The following XPNPEP3 variants were observed in gnomAD, a reference collection of about 807,000 sequenced individuals.
The protein encoded by XPNPEP3 is X-prolyl aminopeptidase 3, also known as xaa-Pro aminopeptidase 3.
XPNPEP3 carries 41 observed loss-of-function variants against 60.0 expected under a neutral mutation model. The ratio of observed to expected loss-of-function variants is 0.68; its 90% confidence interval spans 0.53 to 0.89. The LOEUF is 0.89. Ranked by LOEUF, XPNPEP3 falls within the 40% of genes least tolerant of loss-of-function variation. XPNPEP3 has a pLI of 0.00. For synonymous variants in XPNPEP3, 212 were observed against 223.2 expected, an observed-to-expected ratio of 0.95 and a Z score of 0.45; for missense variants, 598 against 638.9, an observed-to-expected ratio of 0.94 and a Z score of 0.69.
intron 7 of XPNPEP3, among the ~76,000 whole-genome samples, chr22:40,920,240 C>T (rs573859443): frequency 2.0e-5 from 3 of 152,086 alleles, no homozygotes; most frequent in South Asian, 2.1e-4. Context: ...TGGTGGTGGG[C>T]GCCTATAATC....
rs369925842 is a variant in XPNPEP3, at chr22:40,914,138, G to A, written c.970-101G>A. On this transcript the variant is annotated intron_variant, in intron 6 of 9. Coordinates refer to ENST00000357137, the MANE Select transcript of XPNPEP3 (RefSeq NM_022098.4). ...ACCTGGGCAACAAGAGTGAAACTCC[G>A]TCTCAGAAAAAAAAAAAAAAAAGAA... is the stretch of plus-strand genomic sequence containing the variant. 141 of 972,702 alleles carry A rather than the reference G, an allele frequency of 1.4e-4. No homozygotes were observed. In the East Asian group the frequency reaches 1.6e-3, roughly 11 times the overall value. The allele number at this position is 972,702 out of a possible 1,614,324, so 60.3% of individuals were successfully genotyped here. A position where few individuals can be genotyped will look rare whatever the true frequency, so the allele number is the denominator to read the frequency against.
chr22:40,898,027 G>A (rs1387614163), intron 4 of XPNPEP3, among the ~76,000 whole-genome samples: 2 of 151,766 alleles, frequency 1.3e-5, no homozygotes, highest in African/African-American at 2.4e-5. Flanking sequence ...CTCCCATTAT[G>A]AGGGTTGGCT....
intron 8 of XPNPEP3, 81 bp from the exon 9 acceptor site, chr22:40,924,279 CAT>C: frequency 1.3e-6 from 2 of 1,558,028 alleles, no homozygotes; most frequent in Non-Finnish European, 1.8e-6. Context: ...GATAATAACA[CAT>C]ATCTCACTGA....
Position 40,861,207 on chromosome 22 carries a change from A to G in XPNPEP3, c.64+3962A>G. 1.9e-6 allele frequency: 3 copies of G among 1,614,128 alleles called. No individual in the cohort carries two copies. The South Asian group carries it at 3.3e-5, about 18-fold the overall frequency. On this transcript the variant is annotated intron_variant, in intron 1 of 9. Coordinates refer to ENST00000357137, the MANE Select transcript of XPNPEP3 (RefSeq NM_022098.4). ...AGATATACCTCCCTCATCATTGTCCACGAAAGTATATTGAGATACATGTTT... is the reference window on the plus strand; with the variant it reads ...AGATATACCTCCCTCATCATTGTCCGCGAAAGTATATTGAGATACATGTTT...
At chr22:40,887,425 T>C (rs1665681288) in intron 4 of XPNPEP3, among the ~76,000 whole-genome samples, 2 of 152,126 alleles carry the variant, frequency 1.3e-5, no homozygotes, top group African/African-American at 2.4e-5. Context: ...AAGAGAAATG[T>C]ATTGTCTCAT....
intron 2 of XPNPEP3, among the ~76,000 whole-genome samples, chr22:40,877,728 C>T (rs2058032818): frequency 6.6e-6 from 1 of 152,086 alleles, no homozygotes; most frequent in Admixed American, 6.6e-5. Flanking sequence ...ACAGTTTTAC[C>T]ACGTTGCCTG....
At chr22:40,868,281 T>C (rs2057988270) in intron 1 of XPNPEP3, among the ~76,000 whole-genome samples, 1 of 152,210 alleles carries the variant, frequency 6.6e-6, no homozygotes, top group Non-Finnish European at 1.5e-5. Context: ...AAATGTTGAT[T>C]ATCTTTTCCT....
At chr22:40,883,797 A>G (rs1235786925) in intron 3 of XPNPEP3, among the ~76,000 whole-genome samples, 1 of 152,212 alleles carries the variant, frequency 6.6e-6, no homozygotes, top group Non-Finnish European at 1.5e-5. Context: ...AACTATCTTT[A>G]GTAATTCTTA....
At chr22:40,924,256 G>A (rs1199205036) in intron 8 of XPNPEP3, 106 bp from the exon 9 acceptor site, 1 of 1,520,904 alleles carries the variant, frequency 6.6e-7, no homozygotes, top group Non-Finnish European at 9.1e-7. Flanking sequence ...TGAAGTGGCA[G>A]AACCATGGGG....
chr22:40,897,985 ACT>A (rs2058115675), intron 4 of XPNPEP3, among the ~76,000 whole-genome samples: 1 of 151,436 alleles, frequency 6.6e-6, no homozygotes, highest in African/African-American at 2.4e-5. Context: ...TTTGATATTA[ACT>A]CTTAATCCGG....
At chr22:40,875,979 C>T (rs1406818884) in intron 2 of XPNPEP3, among the ~76,000 whole-genome samples, 1 of 152,026 alleles carries the variant, frequency 6.6e-6, no homozygotes, top group African/African-American at 2.4e-5. Context: ...AAGATTGCGC[C>T]ACTGTGCTCC....
At chr22:40,899,244 T>A (rs897656883) in intron 4 of XPNPEP3, among the ~76,000 whole-genome samples, 1 of 152,166 alleles carries the variant, frequency 6.6e-6, no homozygotes, top group Non-Finnish European at 1.5e-5. Context: ...TAGCCCAGTT[T>A]CTTTGGGTTA....
intron 2 of XPNPEP3, among the ~76,000 whole-genome samples, chr22:40,876,684 A>T (rs2058028647): frequency 6.6e-6 from 1 of 152,154 alleles, no homozygotes; most frequent in South Asian, 2.1e-4. Flanking sequence ...TTGCTAAGCC[A>T]GGATTCCAAC....
chr22:40,906,080 C>T (rs531275039), intron 4 of XPNPEP3, among the ~76,000 whole-genome samples: 6 of 151,718 alleles, frequency 4.0e-5, no homozygotes, highest in South Asian at 4.1e-4. Flanking sequence ...CTTGAGCCAA[C>T]GCACCCAGCC....
chr22:40,918,847 CT>C (rs1253941617), intron 7 of XPNPEP3, among the ~76,000 whole-genome samples: 121 of 129,550 alleles, frequency 9.3e-4, no homozygotes, highest in East Asian at 1.3e-3. Context: ...ATTTTTTTTT[CT>C]TTTTTTTTTT....
At chr22:40,914,205 C>A in intron 6 of XPNPEP3, 34 bp from the exon 7 acceptor site, 1 of 1,556,120 alleles carries the variant, frequency 6.4e-7, no homozygotes, top group Non-Finnish European at 8.9e-7. Flanking sequence ...TAATCATGAG[C>A]TTATCCACTT....
At chr22:40,886,566 C>G in intron 4 of XPNPEP3, 51 bp downstream of exon 4, 1 of 1,579,316 alleles carries the variant, frequency 6.3e-7, no homozygotes. Context: ...TGGCTCACGC[C>G]TGTAATCCAA....
At chr22:40,901,804 C>T (rs1396726225) in intron 4 of XPNPEP3, among the ~76,000 whole-genome samples, 1 of 152,034 alleles carries the variant, frequency 6.6e-6, no homozygotes, top group Non-Finnish European at 1.5e-5. Flanking sequence ...AATAGGTAAA[C>T]CCGTAGAGAC....
At chr22:40,916,764 G>A (rs73412762) in intron 7 of XPNPEP3, among the ~76,000 whole-genome samples, 1,825 of 152,180 alleles carry the variant, frequency 0.012, 41 homozygotes, top group African/African-American at 0.042. Flanking sequence ...ATTATCTTGG[G>A]GTGAATATTT....
Sources: gnomAD v4.1 joint callset for allele counts (sites outside exome capture counted in the v4.1 genomes callset) on GRCh38, gnomAD v4.1.1 for gene constraint, MANE v1.5 for transcripts, NCBI Gene and HGNC (gene_info 2026-07-23, HGNC 2026-07-21) for gene names.